Variants in GRIN2B observed in about 807,000 individuals in gnomAD.
The protein encoded by GRIN2B is glutamate ionotropic receptor NMDA type subunit 2B.
In GRIN2B, 5 loss-of-function variants were observed where a neutral mutation model predicts 114.5. That is an observed-to-expected ratio of 0.04 (90% CI 0.02 to 0.09). The LOEUF (loss-of-function observed/expected upper bound fraction) is 0.09. GRIN2B is among the 10% of genes least tolerant of loss of function. The probability of loss-of-function intolerance (pLI) is 1.00; values close to 1 mark genes in which losing one functional copy is unlikely to be tolerated. For synonymous variants in GRIN2B, 787 were observed against 745.1 expected (o/e 1.06, Z -0.92); for missense variants, 1,108 against 1,943.5 (o/e 0.57, Z 8.08).
At chr12:13,760,496 C>A (rs527347466) in intron 3 of GRIN2B, among the ~76,000 whole-genome samples, 43 of 152,274 alleles carry the variant, frequency 2.8e-4, no homozygotes, top group African/African-American at 9.4e-4. Context: ...TGTTAGTACA[C>A]TAGTATAGTT....
chr12:13,974,542 A>C (rs1336046441), intron 2 of GRIN2B, among the ~76,000 whole-genome samples: 1 of 152,124 alleles, frequency 6.6e-6, no homozygotes. Flanking sequence ...TTTCCTCTTC[A>C]TATGCTTTCT....
chr12:13,776,448 A>G (rs1159103273), intron 3 of GRIN2B, among the ~76,000 whole-genome samples: 2 of 152,180 alleles, frequency 1.3e-5, no homozygotes, highest in Non-Finnish European at 2.9e-5. Context: ...AAAACTTCCC[A>G]TTTTATAAAT....
intron 2 of GRIN2B, among the ~76,000 whole-genome samples, chr12:13,975,191 T>C (rs1862998345): frequency 6.6e-6 from 1 of 152,226 alleles, no homozygotes; most frequent in African/African-American, 2.4e-5. Flanking sequence ...TGGTCTGTAA[T>C]TAAAAGCAGG....
chr12:13,887,375 A>G (rs572639780), intron 2 of GRIN2B, among the ~76,000 whole-genome samples: 2 of 152,312 alleles, frequency 1.3e-5, no homozygotes, highest in African/African-American at 4.8e-5. Context: ...ATATTTTTCA[A>G]TACTTTTGTA....
At chr12:13,617,295 A>G (rs929162927) in intron 5 of GRIN2B, among the ~76,000 whole-genome samples, 4 of 152,260 alleles carry the variant, frequency 2.6e-5, no homozygotes, top group African/African-American at 9.6e-5. Context: ...ACATGGGTCA[A>G]TGCAGATGTG....
Position 13,843,001 on chromosome 12 carries a change from T to A in GRIN2B, c.411+22797A>T, listed in dbSNP as rs544266802. ...TTTTTTGCGGTGTTTTGTTTTTTTTTAATTTTTACTTTTTAAAATTTTTTA... is the reference window on the plus strand; with the variant it reads ...TTTTTTGCGGTGTTTTGTTTTTTTTAAATTTTTACTTTTTAAAATTTTTTA... On this transcript the variant is annotated intron_variant, in intron 3 of 13. Coordinates refer to ENST00000609686, the MANE Select transcript of GRIN2B (RefSeq NM_000834.5). Among the ~76,000 whole-genome samples, 934 of 145,484 alleles carry A rather than the reference T, an allele frequency of 6.4e-3. 5 individuals carry two copies. The highest frequency in any genetic ancestry group is 0.011 in the Middle Eastern group (3 of 280).
intron 2 of GRIN2B, among the ~76,000 whole-genome samples, chr12:13,876,500 T>A (rs1479941013): frequency 6.6e-6 from 1 of 152,148 alleles, no homozygotes; most frequent in African/African-American, 2.4e-5. Context: ...AGAAATAGGT[T>A]GTTTTAAAAA....
chr12:13,737,669 C>T (rs1158716535), intron 4 of GRIN2B, among the ~76,000 whole-genome samples: 1 of 152,104 alleles, frequency 6.6e-6, no homozygotes, highest in African/African-American at 2.4e-5. Context: ...GTGATAAATG[C>T]TAGAGAGATA....
intron 2 of GRIN2B, among the ~76,000 whole-genome samples, chr12:13,957,446 G>C (rs1867612520): frequency 6.6e-6 from 1 of 152,100 alleles, no homozygotes; most frequent in Non-Finnish European, 1.5e-5. Flanking sequence ...AAAGACAGAA[G>C]CACCCAATGA....
intron 2 of GRIN2B, among the ~76,000 whole-genome samples, chr12:13,971,923 C>T (rs1036562684): frequency 2.0e-5 from 3 of 152,156 alleles, no homozygotes; most frequent in Non-Finnish European, 2.9e-5. Flanking sequence ...GACTAAGTAC[C>T]GTCATATCCC....
intron 4 of GRIN2B, among the ~76,000 whole-genome samples, chr12:13,694,689 AT>A (rs1471892895): frequency 8.8e-4 from 104 of 118,474 alleles, no homozygotes; most frequent in Non-Finnish European, 5.2e-4. Context: ...ATATATATAT[AT>A]ATATATATAT....
chr12:13,960,199 G>A (rs1867665793), intron 2 of GRIN2B, among the ~76,000 whole-genome samples: 1 of 152,142 alleles, frequency 6.6e-6, no homozygotes, highest in Non-Finnish European at 1.5e-5. Context: ...GCCCCCAGTA[G>A]AGACCCATGG....
chr12:13,852,426 C>T (rs1448154498), intron 3 of GRIN2B, among the ~76,000 whole-genome samples: 1 of 152,160 alleles, frequency 6.6e-6, no homozygotes, highest in Non-Finnish European at 1.5e-5. Flanking sequence ...TCCTCCATTG[C>T]TTTGCTCAAC....
chr12:13,752,656 G>A (rs537440121), intron 4 of GRIN2B, among the ~76,000 whole-genome samples: 13 of 152,196 alleles, frequency 8.5e-5, no homozygotes, highest in South Asian at 6.2e-4. Flanking sequence ...GCAAGATGAG[G>A]GCTTGCCAAA....
In GRIN2B at chr12:13,732,832, A is replaced by G. The variant is rs143312982; in HGVS notation, c.1010+20485T>C. Among the ~76,000 whole-genome samples, 505 of 152,348 alleles carry G rather than the reference A, an allele frequency of 3.3e-3. 5 individuals are homozygous for G. The highest frequency in any genetic ancestry group is 5.7e-3 in the African/African-American group (237 of 41,584). The stretch of plus-strand genomic sequence containing the variant: ...CAAGAGCCCAGAGAAAATCAAGTCC[A>G]TAGACAAATCAAGCTTAATTTCACA... On this transcript the variant is annotated intron_variant, in intron 4 of 13. Coordinates refer to ENST00000609686, the MANE Select transcript of GRIN2B (RefSeq NM_000834.5).
chr12:13,630,652 G>T (rs1426654701), intron 5 of GRIN2B, among the ~76,000 whole-genome samples: 1 of 152,096 alleles, frequency 6.6e-6, no homozygotes, highest in Admixed American at 6.6e-5. Flanking sequence ...AGGCCATTTT[G>T]GATGGTTCAG....
intron 5 of GRIN2B, among the ~76,000 whole-genome samples, chr12:13,621,631 T>G (rs1280649091): frequency 3.4e-5 from 5 of 147,398 alleles, no homozygotes; most frequent in East Asian, 2.0e-4. Context: ...TTTTTTTTTT[T>G]TTTTTTTTTC....
intron 3 of GRIN2B, among the ~76,000 whole-genome samples, chr12:13,797,095 AC>A (rs1173597627): frequency 1.3e-5 from 2 of 152,224 alleles, no homozygotes; most frequent in African/African-American, 4.8e-5. Flanking sequence ...TGACTGGGTA[AC>A]TTACAAGGAA....
At chr12:13,831,491 G>T (rs570290354) in intron 3 of GRIN2B, among the ~76,000 whole-genome samples, 25 of 152,140 alleles carry the variant, frequency 1.6e-4, no homozygotes, top group Non-Finnish European at 3.1e-4. Context: ...CACAGAAGAG[G>T]TTACTAAAAC....
Sources: allele counts gnomAD v4.1 joint callset (sites outside exome capture counted in the v4.1 genomes callset), GRCh38; gene constraint gnomAD v4.1.1; transcripts MANE v1.5; gene names NCBI Gene and HGNC (gene_info 2026-07-23, HGNC 2026-07-21).